CYTH1: variants seen among roughly 807,000 people sequenced by gnomAD.
CYTH1 encodes the protein cytohesin 1.
In CYTH1, 18 loss-of-function variants were observed where a neutral mutation model predicts 61.8. The observed-to-expected ratio is 0.29, with a 90% CI of 0.20 to 0.43. The LOEUF (loss-of-function observed/expected upper bound fraction) is 0.43, where lower values mean the gene tolerates loss of function less well. CYTH1 is among the 20% of genes least tolerant of loss of function. The pLI, the probability that CYTH1 is intolerant of heterozygous loss-of-function variation, is 1.00. For synonymous variants in CYTH1, 174 were observed against 184.3 expected, an observed-to-expected ratio of 0.94 and a Z score of 0.45; for missense variants, 336 against 510.5, an observed-to-expected ratio of 0.66 and a Z score of 3.29.
At chr17:78,743,873 T>G (rs768917720) in intron 1 of CYTH1, among the ~76,000 whole-genome samples, 9 of 152,256 alleles carry the variant, frequency 5.9e-5, no homozygotes, top group Non-Finnish European at 1.2e-4. Context: ...GCATGGCCTA[T>G]AGATTGATGT....
chr17:78,690,812 C>T (rs1230984664), intron 11 of CYTH1, among the ~76,000 whole-genome samples: 2 of 151,964 alleles, frequency 1.3e-5, no homozygotes, highest in South Asian at 2.1e-4. Flanking sequence ...GTGGGCATCA[C>T]GAAAAACCAC....
At chr17:78,726,892 G>A (rs1388264779) in intron 1 of CYTH1, among the ~76,000 whole-genome samples, 2 of 152,152 alleles carry the variant, frequency 1.3e-5, no homozygotes, top group East Asian at 3.8e-4. Flanking sequence ...GAAATAAGTG[G>A]TTTTTTGCCC....
chr17:78,733,791 G>C (rs1252944990), intron 1 of CYTH1, among the ~76,000 whole-genome samples: 1 of 152,268 alleles, frequency 6.6e-6, no homozygotes, highest in East Asian at 1.9e-4. Flanking sequence ...GTGTATGGAA[G>C]TGACAGAGGC....
intron 1 of CYTH1, among the ~76,000 whole-genome samples, chr17:78,746,510 T>C (rs1003396842): frequency 1.1e-4 from 16 of 150,902 alleles, no homozygotes; most frequent in Non-Finnish European, 1.8e-4. Context: ...CTACTTCCTC[T>C]GTCTTCCTAG....
At chr17:78,775,232 TG>T (rs768511206) in intron 1 of CYTH1, among the ~76,000 whole-genome samples, 3 of 152,050 alleles carry the variant, frequency 2.0e-5, no homozygotes, top group Admixed American at 2.0e-4. Context: ...CCATGAAGAT[TG>T]GGGGGGCCGC....
At chr17:78,763,472 C>T (rs1380672053) in intron 1 of CYTH1, among the ~76,000 whole-genome samples, 1 of 152,052 alleles carries the variant, frequency 6.6e-6, no homozygotes, top group East Asian at 1.9e-4. Context: ...CCAAGACCCC[C>T]CACGGATGCC....
chr17:78,698,197 GCA>G (rs950622736), intron 9 of CYTH1, 70 bp downstream of exon 9: 1 of 1,233,508 alleles, frequency 8.1e-7, no homozygotes, highest in Admixed American at 1.8e-5. Flanking sequence ...ACGCACGCAC[GCA>G]CACACGCACA....
At position 78,727,815 on chromosome 17, in the gene CYTH1, T is replaced by G. The variant is rs376212086; in HGVS notation, c.23-18083A>C. On this transcript the variant is annotated intron_variant, in intron 1 of 13. Transcript: ENST00000446868. ...TGGACCGTCCCCTATCTCCTGCCCA[T>G]GCAGGGGGCAGAACTGTAGGAGGAA... 20 of 440,196 alleles carry G rather than the reference T, an allele frequency of 4.5e-5. No homozygotes were observed. The East Asian group carries it at 6.7e-4, about 15-fold the overall frequency. 27.3% of individuals were successfully genotyped at this position (440,196 alleles called of 1,614,324 possible).
At chr17:78,722,526 C>T (rs1341460476) in intron 1 of CYTH1, among the ~76,000 whole-genome samples, 1 of 152,172 alleles carries the variant, frequency 6.6e-6, no homozygotes, top group Non-Finnish European at 1.5e-5. Flanking sequence ...CTGGGTGAAG[C>T]TGCCACTCCC....
chr17:78,681,837 CAA>C (rs35074589), intron 11 of CYTH1, among the ~76,000 whole-genome samples: 1 of 72,482 alleles, frequency 1.4e-5, no homozygotes, highest in Admixed American at 1.5e-4. Context: ...GACTCTGTCT[CAA>C]AAAAAAAAAA....
intron 1 of CYTH1, among the ~76,000 whole-genome samples, chr17:78,713,442 G>A (rs1012802418): frequency 6.6e-5 from 10 of 152,190 alleles, no homozygotes; most frequent in African/African-American, 2.4e-4. Flanking sequence ...TACAGAACTG[G>A]CTTAATCAGA....
chr17:78,713,711 C>G (rs2093156719), intron 1 of CYTH1, among the ~76,000 whole-genome samples: 1 of 147,010 alleles, frequency 6.8e-6, no homozygotes, highest in South Asian at 2.1e-4. Flanking sequence ...CCAGCAGAAG[C>G]AAGACTAAAT....
intron 1 of CYTH1, among the ~76,000 whole-genome samples, chr17:78,722,519 G>A (rs896927811): frequency 3.3e-5 from 5 of 152,108 alleles, no homozygotes; most frequent in African/African-American, 9.7e-5. Flanking sequence ...CTGTCCCCTG[G>A]GTGAAGCTGC....
At chr17:78,735,394 T>G (rs1329787268) in intron 1 of CYTH1, among the ~76,000 whole-genome samples, 1 of 152,230 alleles carries the variant, frequency 6.6e-6, no homozygotes, top group Non-Finnish European at 1.5e-5. Flanking sequence ...TAGTCACTAG[T>G]GTCCTCTTCC....
At chr17:78,767,757 A>G (rs1391236363) in intron 1 of CYTH1, among the ~76,000 whole-genome samples, 1 of 152,142 alleles carries the variant, frequency 6.6e-6, no homozygotes, top group African/African-American at 2.4e-5. Context: ...GTAACACCAG[A>G]ATGAAAGGGC....
At chr17:78,682,753 G>T (rs983114173) in intron 11 of CYTH1, among the ~76,000 whole-genome samples, 1 of 152,192 alleles carries the variant, frequency 6.6e-6, no homozygotes, top group African/African-American at 2.4e-5. Flanking sequence ...ACACAAAGCT[G>T]TTCTGGTTGC....
chr17:78,763,901 A>G (rs2093438329), intron 1 of CYTH1, among the ~76,000 whole-genome samples: 1 of 152,166 alleles, frequency 6.6e-6, no homozygotes, highest in Non-Finnish European at 1.5e-5. Context: ...ACTTGAGGTC[A>G]GGAGTTTGAG....
intron 10 of CYTH1, among the ~76,000 whole-genome samples, chr17:78,694,276 G>A (rs1293743356): frequency 6.6e-6 from 1 of 152,216 alleles, no homozygotes; most frequent in Non-Finnish European, 1.5e-5. Flanking sequence ...TAGGTTATGC[G>A]AGGGAATTTG....
At chr17:78,679,735 G>A (rs1215034373) in intron 13 of CYTH1, among the ~76,000 whole-genome samples, 9 of 152,142 alleles carry the variant, frequency 5.9e-5, no homozygotes, top group Admixed American at 4.6e-4. Flanking sequence ...CTTGGATCAC[G>A]GTATGTGACT....
Sources: gnomAD v4.1 joint callset for allele counts (sites outside exome capture counted in the v4.1 genomes callset) on GRCh38, gnomAD v4.1.1 for gene constraint, MANE v1.5 for transcripts, NCBI Gene and HGNC (gene_info 2026-07-23, HGNC 2026-07-21) for gene names.